GUCY1A2: variants seen among roughly 807,000 people sequenced by gnomAD.
GUCY1A2 encodes the protein guanylate cyclase 1 soluble subunit alpha 2.
A neutral mutation model predicts 63.5 loss-of-function variants in GUCY1A2; 27 were observed. The observed-to-expected ratio is 0.43, with a 90% CI of 0.31 to 0.59. The LOEUF is 0.59. GUCY1A2 is among the 20% of genes least tolerant of loss of function. The probability of loss-of-function intolerance (pLI) is 0.11; values close to 1 mark genes in which losing one functional copy is unlikely to be tolerated. For synonymous variants in GUCY1A2, 364 were observed against 343.5 expected (o/e 1.06, Z -0.66); for missense variants, 768 against 913.3 (o/e 0.84, Z 2.05).
At chr11:106,753,640 G>A (rs1045225636) in intron 6 of GUCY1A2, among the ~76,000 whole-genome samples, 1 of 152,110 alleles carries the variant, frequency 6.6e-6, no homozygotes, top group Non-Finnish European at 1.5e-5. Context: ...CCTTTTGTCA[G>A]GTTTGTCAAA....
intron 4 of GUCY1A2, among the ~76,000 whole-genome samples, chr11:106,867,261 A>G (rs1237345001): frequency 6.6e-6 from 1 of 152,092 alleles, no homozygotes; most frequent in Non-Finnish European, 1.5e-5. Flanking sequence ...CTACACAGGG[A>G]AATAAAAGAG....
At chr11:106,985,775 G>A (rs1399430821) in intron 2 of GUCY1A2, among the ~76,000 whole-genome samples, 1 of 152,048 alleles carries the variant, frequency 6.6e-6, no homozygotes, top group East Asian at 1.9e-4. Context: ...ACATTAGTAA[G>A]GCATAATTAT....
At chr11:106,848,172 A>G (rs1250773113) in intron 4 of GUCY1A2, among the ~76,000 whole-genome samples, 1 of 151,686 alleles carries the variant, frequency 6.6e-6, no homozygotes, top group African/African-American at 2.4e-5. Context: ...TTCTTTTTAC[A>G]TGTTGTTCAA....
Position 106,679,044 on chromosome 11 carries a change from A to G in GUCY1A2, c.*8505T>C, listed in dbSNP as rs760313259. 1 of 187,648 alleles carries G rather than the reference A, an allele frequency of 5.3e-6. No individual in the cohort carries two copies. The highest frequency in any genetic ancestry group is 1.1e-5 in the Non-Finnish European group (1 of 88,930). 11.6% of individuals were successfully genotyped at this position (187,648 alleles called of 1,614,324 possible). ...AGTTGACACATTCAGAAAACTTTCA[A>G]AAGTCTCTGACATTCTAAGTTTTGG... On this transcript the variant is annotated 3_prime_UTR_variant, in exon 8 of 8. Coordinates refer to ENST00000526355, the MANE Select transcript of GUCY1A2 (RefSeq NM_000855.3).
intron 6 of GUCY1A2, among the ~76,000 whole-genome samples, chr11:106,760,397 A>G (rs895001218): frequency 2.6e-5 from 4 of 152,200 alleles, no homozygotes; most frequent in African/African-American, 9.6e-5. Flanking sequence ...GTTTGGAGGC[A>G]TGGCTATATG....
intron 6 of GUCY1A2, among the ~76,000 whole-genome samples, chr11:106,756,426 C>T (rs1395281940): frequency 6.6e-6 from 1 of 152,156 alleles, no homozygotes; most frequent in Non-Finnish European, 1.5e-5. Flanking sequence ...TTCATTGCTG[C>T]AGTTTCTTCA....
At chr11:106,935,249 T>C (rs1448949621) in intron 4 of GUCY1A2, among the ~76,000 whole-genome samples, 1 of 152,106 alleles carries the variant, frequency 6.6e-6, no homozygotes, top group African/African-American at 2.4e-5. Context: ...AGTAAGTGAA[T>C]AGGGGAATAA....
At chr11:107,013,763 GAAC>G (rs1262644206) in intron 1 of GUCY1A2, among the ~76,000 whole-genome samples, 2 of 152,048 alleles carry the variant, frequency 1.3e-5, no homozygotes, top group African/African-American at 4.8e-5. Flanking sequence ...GATTCACAAT[GAAC>G]AAAACTACCC....
chr11:106,742,353 CTG>C (rs1863709893), intron 6 of GUCY1A2, among the ~76,000 whole-genome samples: 1 of 152,188 alleles, frequency 6.6e-6, no homozygotes, highest in Non-Finnish European at 1.5e-5. Flanking sequence ...TCACTACCCA[CTG>C]AAGGGCCCCA....
At chr11:106,746,917 G>A (rs1002609551) in intron 6 of GUCY1A2, among the ~76,000 whole-genome samples, 1 of 152,170 alleles carries the variant, frequency 6.6e-6, no homozygotes. Flanking sequence ...GGCACGCTGG[G>A]CAAAACCTTA....
chr11:106,761,468 C>A (rs552594283), intron 6 of GUCY1A2, among the ~76,000 whole-genome samples: 20 of 152,276 alleles, frequency 1.3e-4, no homozygotes, highest in African/African-American at 4.3e-4. Flanking sequence ...CAGACACCAG[C>A]AGCAAGTCAG....
intron 3 of GUCY1A2, among the ~76,000 whole-genome samples, chr11:106,956,873 T>C (rs574202736): frequency 6.6e-5 from 10 of 152,278 alleles, no homozygotes; most frequent in African/African-American, 2.2e-4. Flanking sequence ...TTCTCAGAAC[T>C]ACCAAGAGGA....
chr11:106,953,093 TC>T (rs1346906165), intron 3 of GUCY1A2, among the ~76,000 whole-genome samples: 1 of 152,206 alleles, frequency 6.6e-6, no homozygotes, highest in Non-Finnish European at 1.5e-5. Flanking sequence ...AGAGAGGGCA[TC>T]CTTGTCTTGT....
chr11:106,998,731 A>C (rs535609231), intron 1 of GUCY1A2, among the ~76,000 whole-genome samples: 1 of 152,278 alleles, frequency 6.6e-6, no homozygotes, highest in South Asian at 2.1e-4. Flanking sequence ...ACATAAGGAC[A>C]ACATCAGCCC....
Position 106,725,424 on chromosome 11 carries a change from G to A in GUCY1A2, c.1837-16758C>T, listed in dbSNP as rs939729249. Among the ~76,000 whole-genome samples the A allele has an allele frequency of 4.2e-5, 2 of 47,140 alleles. 1 individual carries two copies. The highest frequency in any genetic ancestry group is 4.2e-4 in the Admixed American group (2 of 4,780). The allele number at this position is 47,140 out of a possible 152,430, so 30.9% of individuals were successfully genotyped here. On this transcript the variant is annotated intron_variant, in intron 6 of 7. Transcript: ENST00000526355. ...CCTGACCTCGTGATCCGCCCGCCTC[G>A]GCCTCCCAAAGTGCGACATAAATTC...
chr11:106,899,087 A>T (rs1288984156), intron 4 of GUCY1A2, among the ~76,000 whole-genome samples: 1 of 152,224 alleles, frequency 6.6e-6, no homozygotes, highest in African/African-American at 2.4e-5. Context: ...TATGTAAATT[A>T]TACCTTTAAA....
At chr11:106,911,517 C>G (rs796553657) in intron 4 of GUCY1A2, among the ~76,000 whole-genome samples, 4 of 152,106 alleles carry the variant, frequency 2.6e-5, no homozygotes, top group Non-Finnish European at 4.4e-5. Flanking sequence ...AGTTAAAGCA[C>G]AGGATTTAGG....
chr11:106,766,885 C>T (rs913944317), intron 6 of GUCY1A2, among the ~76,000 whole-genome samples: 2 of 152,054 alleles, frequency 1.3e-5, no homozygotes, highest in Non-Finnish European at 2.9e-5. Context: ...GGCTAACCTA[C>T]TAAATGGGTT....
At chr11:106,819,654 A>T (rs1036573245) in intron 4 of GUCY1A2, among the ~76,000 whole-genome samples, 4 of 152,208 alleles carry the variant, frequency 2.6e-5, no homozygotes, top group African/African-American at 9.7e-5. Context: ...GGACTACAGT[A>T]TAGTGTGAAA....
Sources: gnomAD v4.1 joint callset for allele counts (sites outside exome capture counted in the v4.1 genomes callset) on GRCh38, gnomAD v4.1.1 for gene constraint, MANE v1.5 for transcripts, NCBI Gene and HGNC (gene_info 2026-07-23, HGNC 2026-07-21) for gene names.